EP400: variants seen among roughly 807,000 people sequenced by gnomAD.
EP400 encodes the protein E1A-binding protein p400.
Under a neutral mutation model 354.1 loss-of-function variants are expected in EP400, and 105 were observed. The observed-to-expected ratio is 0.30, with a 90% CI of 0.25 to 0.35. The LOEUF (loss-of-function observed/expected upper bound fraction) is 0.35, where lower values mean the gene tolerates loss of function less well. EP400 is among the 10% of genes least tolerant of loss of function. EP400 has a pLI of 1.00. For missense variants in EP400, 3,280 were observed against 4,121.0 expected (o/e 0.80, Z 5.59); for synonymous variants, 1,646 against 1,716.9 (o/e 0.96, Z 1.02).
chr12:131,987,067 C>A (rs920971226), intron 6 of EP400, among the ~76,000 whole-genome samples: 4 of 152,150 alleles, frequency 2.6e-5, no homozygotes, highest in Admixed American at 2.6e-4. Flanking sequence ...GGAGAGGTCA[C>A]GTGTAGCAGT....
Position 132,080,415 on chromosome 12 carries a change from G to A in EP400, c.*2742G>A, listed in dbSNP as rs1178642516. The A allele has an allele frequency of 6.6e-6, 1 of 152,624 alleles. No homozygotes were observed. The highest frequency in any genetic ancestry group is 1.5e-5 in the Non-Finnish European group (1 of 68,044). 9.5% of individuals were successfully genotyped at this position (152,624 alleles called of 1,614,324 possible). A position where few individuals can be genotyped will look rare whatever the true frequency, so the allele number is the denominator to read the frequency against. ...GAATAGTAGGATTTTAAAGGGCATT[G>A]ATAGCATACCAAACAAAAGGCAAAA... is the stretch of plus-strand genomic sequence containing the variant. On this transcript the variant is annotated 3_prime_UTR_variant, in exon 53 of 53. Coordinates refer to ENST00000389561, the MANE Select transcript of EP400 (RefSeq NM_015409.5).
intron 2 of EP400, among the ~76,000 whole-genome samples, chr12:131,970,978 AG>A (rs372936571): frequency 1.3e-5 from 2 of 152,268 alleles, no homozygotes; most frequent in African/African-American, 4.8e-5. Context: ...CCGAGGCTGT[AG>A]GGTCACTTGA....
chr12:132,013,644 G>T lies in EP400; in HGVS notation c.3766G>T (p.Val1256Leu). ...SEESQDYYHKVVIRLHRVTQP... is the reference protein window; with the variant it reads ...SEESQDYYHKLVIRLHRVTQP... ...AGAGAGCCAGGATTACTACCATAAA[G>T]TGGTCATAAGGTTACACAGGGTAGG... Residue 1256 changes from valine (V) to leucine (L), a missense_variant, in exon 18 of 53, where the codon GTG (valine) becomes TTG (leucine). Around this residue, in one of 20 missense-constraint regions of EP400, gnomAD observed 242 missense variants for 357.9 expected, o/e 0.68. Transcript: ENST00000389561. This position sits in a 1 kb window ranked among gnomAD's most constrained non-coding sequence, Gnocchi z 4.5. 1 of 1,612,028 alleles carries T rather than the reference G, an allele frequency of 6.2e-7. No individual in the cohort carries two copies. The highest frequency in any genetic ancestry group is 8.5e-7 in the Non-Finnish European group (1 of 1,178,900).
At position 132,045,477 on chromosome 12, in the gene EP400, C is replaced by G. The variant is rs774932530; in HGVS notation, c.6943C>G (p.Leu2315Val). 73 of 1,614,100 alleles carry G rather than the reference C, an allele frequency of 4.5e-5. No individual in the cohort carries two copies. Among genetic ancestry groups the G allele is most frequent in the Non-Finnish European group, 6.0e-5 (71 of 1,180,050 alleles). Residue 2315 changes from leucine to valine, a missense_variant, in exon 38 of 53, where the codon CTG becomes GTG. Transcript: ENST00000389561. The stretch of plus-strand genomic sequence containing the variant: ...GCAGCAGGTGCCATTCGCCAAGCCC[C>G]TGCCAACTTTTGCCAAACCCACAGC... ...LKQQVPFAKP[L>V]PTFAKPTAEP...
intron 5 of EP400, among the ~76,000 whole-genome samples, chr12:131,986,010 C>T (rs540642008): frequency 2.0e-5 from 3 of 152,072 alleles, no homozygotes; most frequent in Non-Finnish European, 1.5e-5. Flanking sequence ...GGTCTTGCTT[C>T]GTTGCCCAGG....
At position 132,064,764 on chromosome 12, in the gene EP400, G is replaced by A. The variant is rs761804543; in HGVS notation, c.8431G>A (p.Val2811Met). 9.9e-6 allele frequency: 16 copies of A among 1,613,624 alleles called. No homozygotes were observed. Among genetic ancestry groups the A allele is most frequent in the East Asian group, 2.2e-5 (1 of 44,874 alleles). ...TGCGCCCCCGCAGCCAACAGCCCAA[G>A]TGCAAGTGCAGACCTCGCAGCCGCC... ...QSAPPQPTAQ[V>M]QVQTSQPPQQ... Residue 2811 changes from valine to methionine, a missense_variant, in exon 48 of 53, where the codon GTG (valine) becomes ATG (methionine). Val to Met is a conservative substitution (Grantham distance 21). This residue lies in a region of EP400 where 86 missense variants were observed against 66.4 expected (regional missense o/e 1.29). Transcript: ENST00000389561.
intron 2 of EP400, among the ~76,000 whole-genome samples, chr12:131,975,554 A>AT (rs71784084): frequency 6.6e-6 from 1 of 150,440 alleles, no homozygotes; most frequent in Admixed American, 6.6e-5. Context: ...TGATTTTTAA[A>AT]TTTTTTTTTC....
At chr12:132,002,023 A>G (rs186611300) in intron 12 of EP400, among the ~76,000 whole-genome samples, 2 of 152,280 alleles carry the variant, frequency 1.3e-5, no homozygotes, top group African/African-American at 2.4e-5. Context: ...TGCCGCCCAC[A>G]TATTGGAACT....
Position 131,987,887 on chromosome 12 carries a change from G to T in EP400, c.2406G>T (p.Lys802Asn). The T allele has an allele frequency of 6.9e-6, 11 of 1,604,530 alleles. No individual in the cohort carries two copies. Among genetic ancestry groups the T allele is most frequent in the Non-Finnish European group, 8.5e-6 (10 of 1,174,696 alleles). The part of the protein sequence containing the change: ...QERRWKVAAA[K>N]KLVRTVVRHH... ...GGAGGTGGAAGGTGGCTGCTGCGAA[G>T]AAGGTGGGTTGGAATGCGTGGAGCT... Residue 802 changes from lysine to asparagine, a missense_variant, in exon 7 of 53, where the codon AAG (lysine) becomes AAT (asparagine). Lys to Asn is a moderately conservative substitution (Grantham distance 94). Around this residue, in one of 20 missense-constraint regions of EP400, gnomAD observed 800 missense variants for 840.0 expected, o/e 0.95. Transcript: ENST00000389561.
At chr12:132,062,751 G>A in intron 47 of EP400, 50 bp downstream of exon 47, 1 of 1,603,168 alleles carries the variant, frequency 6.2e-7, no homozygotes, top group Non-Finnish European at 8.5e-7. Flanking sequence ...CGGTCAGTCA[G>A]CCCAGCGTCT....
At chr12:132,051,312 G>A (rs1030711071) in intron 41 of EP400, among the ~76,000 whole-genome samples, 4 of 152,174 alleles carry the variant, frequency 2.6e-5, no homozygotes, top group African/African-American at 9.7e-5. Context: ...CCCCGTGTGC[G>A]GAGACGAGAG....
At chr12:132,051,643 G>A (rs980438469) in intron 41 of EP400, among the ~76,000 whole-genome samples, 1 of 152,154 alleles carries the variant, frequency 6.6e-6, no homozygotes, top group Non-Finnish European at 1.5e-5. Flanking sequence ...CTAACTAAAC[G>A]GCAGAGCCAG....
chr12:131,971,597 C>A (rs1892290150), intron 2 of EP400, among the ~76,000 whole-genome samples: 1 of 152,076 alleles, frequency 6.6e-6, no homozygotes, highest in African/African-American at 2.4e-5. Flanking sequence ...ACATTCTCAC[C>A]AACAGTGCAC....
chr12:132,053,855 C>T (rs542762897), intron 43 of EP400, among the ~76,000 whole-genome samples: 1 of 152,292 alleles, frequency 6.6e-6, no homozygotes, highest in Admixed American at 6.5e-5. Context: ...CAGGTAGAGG[C>T]AGCTCCTTTT....
intron 2 of EP400, among the ~76,000 whole-genome samples, chr12:131,971,556 A>G (rs576659199): frequency 5.3e-5 from 8 of 152,196 alleles, no homozygotes; most frequent in Non-Finnish European, 7.3e-5. Flanking sequence ...AGGAACCTTC[A>G]TACTGATTTC....
At chr12:132,066,495 A>G (rs2136613718) in intron 48 of EP400, 4 of 398,010 alleles carry the variant, frequency 1.0e-5, no homozygotes, top group South Asian at 9.5e-5. Flanking sequence ...GATGGAGGGA[A>G]GTGAAGGTGA....
chr12:132,050,523 T>G lies in EP400; in HGVS notation c.7337+64T>G. On this transcript the variant is annotated intron_variant, in intron 40 of 52. Coordinates refer to ENST00000389561, the MANE Select transcript of EP400 (RefSeq NM_015409.5). This position sits in a 1 kb window ranked among gnomAD's most constrained non-coding sequence, Gnocchi z 4.8. ...TGAGTAGATTGCGTGAAGCTTGGTT[T>G]TGATGTGTTTTTAACATACCCTTCT... is the stretch of plus-strand genomic sequence containing the variant. 6.2e-7 allele frequency: 1 copy of G among 1,613,112 alleles called. No homozygotes were observed. Among genetic ancestry groups the G allele is most frequent in the Non-Finnish European group, 8.5e-7 (1 of 1,179,076 alleles).
Position 132,018,259 on chromosome 12 carries a change from C to G in EP400, c.4160C>G (p.Thr1387Ser). 1 of 1,613,586 alleles carries G rather than the reference C, an allele frequency of 6.2e-7. No homozygotes were observed. Among genetic ancestry groups the G allele is most frequent in the Non-Finnish European group, 8.5e-7 (1 of 1,179,864 alleles). The change falls in exon 21 of 53, where the codon ACT becomes AGT. Residue 1387 changes from threonine to serine, a missense_variant. Coordinates refer to ENST00000389561, the MANE Select transcript of EP400 (RefSeq NM_015409.5). This position sits in a 1 kb window ranked among gnomAD's most constrained non-coding sequence, Gnocchi z 4.0. Reference sequence around the variant, plus strand: ...CTCATCGGCTTAGAAAATAAAATCACTCGTCACGAGGCAGAGTTGCTGTCT... The same window carrying G: ...CTCATCGGCTTAGAAAATAAAATCAGTCGTCACGAGGCAGAGTTGCTGTCT... ...FDLIGLENKI[T>S]RHEAELLSKK...
chr12:132,034,334 C>G (rs1894620622), intron 30 of EP400, among the ~76,000 whole-genome samples: 1 of 152,112 alleles, frequency 6.6e-6, no homozygotes, highest in Admixed American at 6.5e-5. Flanking sequence ...ATGGGCTGTG[C>G]CAAGTGTGAA....
Sources: allele counts gnomAD v4.1 joint callset (sites outside exome capture counted in the v4.1 genomes callset), GRCh38; gene constraint gnomAD v4.1.1; regional missense constraint gnomAD v4.1.1; non-coding constraint Gnocchi (gnomAD v3.1); transcripts MANE v1.5; gene names NCBI Gene and HGNC (gene_info 2026-07-23, HGNC 2026-07-21).